Variants in AGBL1 observed in about 807,000 individuals in gnomAD.
AGBL1 encodes the protein cytosolic carboxypeptidase 4.
Under a neutral mutation model 118.9 loss-of-function variants are expected in AGBL1, and 130 were observed. The ratio of observed to expected loss-of-function variants is 1.09; its 90% CI spans 0.95 to 1.26. The LOEUF (loss-of-function observed/expected upper bound fraction) is 1.26. AGBL1 is among the 50% of genes most tolerant of loss of function. The probability of loss-of-function intolerance (pLI) is 0.00; values close to 1 mark genes in which losing one functional copy is unlikely to be tolerated. For synonymous variants in AGBL1, 555 were observed against 478.9 expected (o/e 1.16, Z -2.08); for missense variants, 1,584 against 1,298.1 (o/e 1.22, Z -3.38).
intron 1 of AGBL1, among the ~76,000 whole-genome samples, chr15:86,114,311 C>A (rs1897622159): frequency 6.6e-6 from 1 of 152,184 alleles, no homozygotes; most frequent in African/African-American, 2.4e-5. Flanking sequence ...CTGCACTCTG[C>A]CTTGGCAAGG....
At chr15:86,079,748 C>T, upstream of AGBL1, 1 of 371,776 alleles carries the variant, frequency 2.7e-6, no homozygotes, top group Non-Finnish European at 4.8e-6. Context: ...CAGCCCTCCC[C>T]ACAGCAGGGG....
intron 17 of AGBL1, among the ~76,000 whole-genome samples, chr15:86,341,152 G>A (rs1350074999): frequency 6.6e-6 from 1 of 152,182 alleles, no homozygotes; most frequent in African/African-American, 2.4e-5. Context: ...CTGGGAAGTG[G>A]CCCACTTAGG....
intron 22 of AGBL1, among the ~76,000 whole-genome samples, chr15:86,842,248 C>A (rs949204904): frequency 7.2e-5 from 11 of 151,984 alleles, no homozygotes; most frequent in African/African-American, 2.7e-4. Context: ...ACTTCACCTG[C>A]CTTGAGTGTT....
At chr15:86,860,136 G>T (rs554224372) in intron 22 of AGBL1, among the ~76,000 whole-genome samples, 1 of 152,054 alleles carries the variant, frequency 6.6e-6, no homozygotes, top group Non-Finnish European at 1.5e-5. Context: ...CTGTAAAAAC[G>T]GTGAACTTAG....
intron 22 of AGBL1, among the ~76,000 whole-genome samples, chr15:86,751,714 T>G (rs926182416): frequency 6.6e-6 from 1 of 152,132 alleles, no homozygotes; most frequent in African/African-American, 2.4e-5. Context: ...GTATTACATA[T>G]CTTATTTAAA....
chr15:86,732,839 G>A (rs1220253306), intron 22 of AGBL1, among the ~76,000 whole-genome samples: 1 of 150,360 alleles, frequency 6.7e-6, no homozygotes, highest in Admixed American at 6.6e-5. Flanking sequence ...GATATATTAG[G>A]GTTCTCTAGA....
At chr15:87,016,579 C>A (rs1378005118) in intron 24 of AGBL1, among the ~76,000 whole-genome samples, 1 of 152,182 alleles carries the variant, frequency 6.6e-6, no homozygotes, top group African/African-American at 2.4e-5. Flanking sequence ...CTACAGTTTG[C>A]AACACTCATG....
chr15:86,694,841 A>G (rs1057426920), intron 22 of AGBL1, among the ~76,000 whole-genome samples: 5 of 152,090 alleles, frequency 3.3e-5, no homozygotes, highest in African/African-American at 9.7e-5. Context: ...TTCTGCATCT[A>G]TTGAGATGAT....
intron 22 of AGBL1, among the ~76,000 whole-genome samples, chr15:86,779,934 C>CAT (rs140261806): frequency 0.51 from 77,218 of 151,546 alleles, 22,324 homozygotes; most frequent in Non-Finnish European, 0.65. Flanking sequence ...CACACACACA[C>CAT]ACACACACCC....
intron 23 of AGBL1, among the ~76,000 whole-genome samples, chr15:86,973,690 T>A (rs1262439391): frequency 1.3e-5 from 2 of 151,822 alleles, no homozygotes; most frequent in African/African-American, 4.8e-5. Flanking sequence ...AAAGGATCTT[T>A]GTGCTTAATA....
At chr15:86,323,424 A>T (rs1798965630) in intron 17 of AGBL1, among the ~76,000 whole-genome samples, 1 of 152,190 alleles carries the variant, frequency 6.6e-6, no homozygotes, top group Non-Finnish European at 1.5e-5. Flanking sequence ...TTGAAAAAAA[A>T]AAATCAACTA....
In AGBL1 at chr15:86,558,301, C is replaced by T. The variant is rs577895898; in HGVS notation, c.2994+3764C>T. Among the ~76,000 whole-genome samples, 7 of 152,332 alleles carry T rather than the reference C, an allele frequency of 4.6e-5. No individual in the cohort carries two copies. In the South Asian group the frequency reaches 1.5e-3, roughly 32 times the overall value. ...ATTGCTTGTAACTAAAGGACCCCAT[C>T]TTGCCCCAAAGCTATGGCTCCTCCC... On this transcript the variant is annotated intron_variant, in intron 21 of 22. Coordinates refer to ENST00000614907, the MANE Select transcript of AGBL1 (RefSeq NM_001386094.1).
intron 23 of AGBL1, among the ~76,000 whole-genome samples, chr15:86,957,047 G>A (rs1021054971): frequency 5.9e-5 from 9 of 151,952 alleles, no homozygotes; most frequent in Admixed American, 3.9e-4. Flanking sequence ...AACATTAGAG[G>A]TGTTATACAT....
chr15:86,690,300 T>C (rs1268431778), intron 22 of AGBL1, among the ~76,000 whole-genome samples: 4 of 152,120 alleles, frequency 2.6e-5, no homozygotes, highest in Non-Finnish European at 5.9e-5. Context: ...CAAGATAGAA[T>C]GAACTCTTAC....
At chr15:86,827,430 CACATATATATATGTGTGT>C (rs1567194743) in intron 22 of AGBL1, among the ~76,000 whole-genome samples, 301 of 3,878 alleles carry the variant, frequency 0.078, 53 homozygotes, top group African/African-American at 0.13. Flanking sequence ...TATATATATA[CACATATATATATGTGTGT>C]GTATATATAT....
intron 22 of AGBL1, among the ~76,000 whole-genome samples, chr15:86,876,756 T>G (rs1466485914): frequency 3.9e-5 from 6 of 152,076 alleles, no homozygotes; most frequent in Non-Finnish European, 8.8e-5. Flanking sequence ...AAAATATATA[T>G]TTACAAAAAC....
intron 22 of AGBL1, among the ~76,000 whole-genome samples, chr15:86,832,015 C>G (rs933018377): frequency 4.6e-5 from 7 of 152,236 alleles, no homozygotes; most frequent in Non-Finnish European, 7.3e-5. Flanking sequence ...CACATGTAAG[C>G]TGCCAAGGCT....
At chr15:86,236,466 G>A (rs1020041773) in intron 6 of AGBL1, among the ~76,000 whole-genome samples, 4 of 151,942 alleles carry the variant, frequency 2.6e-5, no homozygotes, top group South Asian at 2.1e-4. Flanking sequence ...TTGATTGCTG[G>A]TGCAGCCCAG....
At chr15:86,948,285 A>C (rs1209386097) in intron 23 of AGBL1, among the ~76,000 whole-genome samples, 2 of 152,208 alleles carry the variant, frequency 1.3e-5, no homozygotes, top group Non-Finnish European at 2.9e-5. Context: ...AACACAAAAC[A>C]ATATGTGTAA....
Sources: allele counts gnomAD v4.1 joint callset (sites outside exome capture counted in the v4.1 genomes callset), GRCh38; gene constraint gnomAD v4.1.1; transcripts MANE v1.5; gene names NCBI Gene and HGNC (gene_info 2026-07-23, HGNC 2026-07-21).